Variants in CTNNA3 observed in about 807,000 individuals in gnomAD.
CTNNA3 encodes the protein catenin alpha-3.
In CTNNA3, 76 loss-of-function variants were observed where a neutral mutation model predicts 95.7. That is an observed-to-expected ratio of 0.79 (90% confidence interval 0.66 to 0.96). CTNNA3 has a LOEUF of 0.96. Among genes scored for constraint, CTNNA3 ranks in the 40% least tolerant of loss-of-function variants. CTNNA3 has a pLI of 0.00. For missense variants in CTNNA3, 1,191 were observed against 1,089.8 expected (o/e 1.09, Z -1.31); for synonymous variants, 431 against 374.4 (o/e 1.15, Z -1.74).
chr10:67,604,058 G>GC (rs1469763785), intron 3 of CTNNA3, among the ~76,000 whole-genome samples: 1 of 152,158 alleles, frequency 6.6e-6, no homozygotes, highest in Non-Finnish European at 1.5e-5. Flanking sequence ...ATTGCTGGCA[G>GC]CATTCAGTAT....
intron 13 of CTNNA3, among the ~76,000 whole-genome samples, chr10:66,270,226 G>GTTTT (rs1564829226): frequency 2.6e-5 from 3 of 114,332 alleles, no homozygotes; most frequent in African/African-American, 9.4e-5. Flanking sequence ...ACATTTTTTG[G>GTTTT]GGGGGGGGGC....
At chr10:66,321,597 A>G (rs1001847861) in intron 12 of CTNNA3, among the ~76,000 whole-genome samples, 4 of 152,102 alleles carry the variant, frequency 2.6e-5, no homozygotes, top group Non-Finnish European at 5.9e-5. Flanking sequence ...ATTTTTGAAA[A>G]CCTGCAATGA....
At chr10:66,713,149 G>A (rs2132612153) in intron 9 of CTNNA3, among the ~76,000 whole-genome samples, 3 of 152,200 alleles carry the variant, frequency 2.0e-5, no homozygotes, top group Admixed American at 2.0e-4. Context: ...TATGATCTGG[G>A]TCTCTCTAAT....
chr10:66,515,292 T>TCTATCTAC (rs1840804582), intron 11 of CTNNA3, among the ~76,000 whole-genome samples: 1 of 151,072 alleles, frequency 6.6e-6, no homozygotes, highest in Non-Finnish European at 1.5e-5. Context: ...TATCTATCTA[T>TCTATCTAC]CTATCTATCT....
At chr10:67,012,892 G>A (rs1300031978) in intron 7 of CTNNA3, 1 of 151,922 alleles carries the variant, frequency 6.6e-6, no homozygotes, top group East Asian at 1.9e-4. Context: ...TGAACATAAA[G>A]CAATCATTAA....
chr10:67,214,715 A>G (rs1256187487), intron 6 of CTNNA3, among the ~76,000 whole-genome samples: 1 of 151,968 alleles, frequency 6.6e-6, no homozygotes, highest in African/African-American at 2.4e-5. Context: ...CAGCTGTATC[A>G]TGTATTGAAC....
intron 12 of CTNNA3, among the ~76,000 whole-genome samples, chr10:66,291,909 T>C (rs573648850): frequency 3.8e-4 from 58 of 151,282 alleles, no homozygotes; most frequent in African/African-American, 1.4e-3. Flanking sequence ...CCAAACACTT[T>C]TGTGTACATA....
chr10:66,449,018 T>G (rs2093444354), intron 11 of CTNNA3, among the ~76,000 whole-genome samples: 1 of 151,960 alleles, frequency 6.6e-6, no homozygotes, highest in African/African-American at 2.4e-5. Context: ...TTTTAAAAAG[T>G]TAGAATTAGA....
intron 7 of CTNNA3, among the ~76,000 whole-genome samples, chr10:66,965,055 A>G (rs1849323898): frequency 1.3e-5 from 2 of 152,094 alleles, no homozygotes; most frequent in African/African-American, 4.8e-5. Flanking sequence ...TTCCTTCCTA[A>G]AACTTCCTGC....
At chr10:66,492,501 C>A (rs2131939309) in intron 11 of CTNNA3, among the ~76,000 whole-genome samples, 1 of 150,746 alleles carries the variant, frequency 6.6e-6, no homozygotes, top group South Asian at 2.1e-4. Flanking sequence ...TTGCCCAGGT[C>A]ACCATCTTCT....
intron 9 of CTNNA3, among the ~76,000 whole-genome samples, chr10:66,701,465 T>C (rs1847939386): frequency 6.6e-6 from 1 of 152,186 alleles, no homozygotes; most frequent in Non-Finnish European, 1.5e-5. Flanking sequence ...ACTTTAACAC[T>C]GTTACAGTTT....
At chr10:67,153,021 G>A (rs1861153115) in intron 7 of CTNNA3, among the ~76,000 whole-genome samples, 1 of 151,926 alleles carries the variant, frequency 6.6e-6, no homozygotes, top group Non-Finnish European at 1.5e-5. Context: ...TGTTGCCCAG[G>A]ATGGAGTATA....
intron 11 of CTNNA3, among the ~76,000 whole-genome samples, chr10:66,426,727 C>G (rs2093245044): frequency 6.6e-6 from 1 of 151,094 alleles, no homozygotes; most frequent in African/African-American, 2.4e-5. Context: ...GTTTATTGAC[C>G]TGTTTGGCCC....
intron 5 of CTNNA3, among the ~76,000 whole-genome samples, chr10:67,376,366 G>A (rs1238615218): frequency 6.6e-6 from 1 of 152,206 alleles, no homozygotes; most frequent in Admixed American, 6.5e-5. Flanking sequence ...CAAAAGAGAA[G>A]AGGATTGGAA....
rs3055580 is a variant in CTNNA3 at position 66,668,422 on chromosome 10, ATGTGTG to A, written c.1282-46644_1282-46639del. Among the ~76,000 whole-genome samples the A allele has an allele frequency of 4.0e-4, 59 of 146,974 alleles. 1 individual carries two copies. The highest frequency in any genetic ancestry group is 4.8e-4 in the Non-Finnish European group (32 of 66,866). ...CTAAAACTTTTTTCTCAACTCTCATATGTGTGTGTGTGTGTGTGTGTGTGTGTGTGT... is the reference window on the plus strand; with the variant it reads ...CTAAAACTTTTTTCTCAACTCTCATATGTGTGTGTGTGTGTGTGTGTGTGT... On this transcript the variant is annotated intron_variant, in intron 9 of 17. Transcript: ENST00000433211.
At chr10:66,275,863 T>A (rs993123672) in intron 13 of CTNNA3, among the ~76,000 whole-genome samples, 8 of 152,016 alleles carry the variant, frequency 5.3e-5, no homozygotes, top group Admixed American at 3.3e-4. Context: ...CAGAAATTTA[T>A]AGAAGTTGTG....
chr10:66,642,563 T>G (rs910461569), intron 9 of CTNNA3, among the ~76,000 whole-genome samples: 1 of 152,144 alleles, frequency 6.6e-6, no homozygotes, highest in African/African-American at 2.4e-5. Flanking sequence ...TACAAGCACC[T>G]GTGTGTTTAC....
intron 15 of CTNNA3, among the ~76,000 whole-genome samples, chr10:65,997,034 T>A (rs1160900580): frequency 6.6e-6 from 1 of 151,204 alleles, no homozygotes; most frequent in Non-Finnish European, 1.5e-5. Context: ...TTTTTTTTAA[T>A]CCCATTATCT....
intron 13 of CTNNA3, among the ~76,000 whole-genome samples, chr10:66,210,195 A>G (rs1427033306): frequency 1.3e-5 from 2 of 151,946 alleles, no homozygotes; most frequent in Non-Finnish European, 2.9e-5. Flanking sequence ...CATTAAAAAT[A>G]AACTGTATCA....
Sources: gnomAD v4.1 joint callset for allele counts (sites outside exome capture counted in the v4.1 genomes callset) on GRCh38, gnomAD v4.1.1 for gene constraint, MANE v1.5 for transcripts, NCBI Gene and HGNC (gene_info 2026-07-23, HGNC 2026-07-21) for gene names.